Variants in VPS37A observed in about 807,000 individuals in gnomAD.
VPS37A encodes the protein VPS37A subunit of ESCRT-I.
VPS37A carries 30 observed loss-of-function variants against 49.8 expected under a neutral mutation model. The ratio of observed to expected loss-of-function variants is 0.60; its 90% CI spans 0.45 to 0.82. The LOEUF (loss-of-function observed/expected upper bound fraction) is 0.82. Ranked by LOEUF, VPS37A falls within the 40% of genes least tolerant of loss-of-function variation. VPS37A has a pLI of 0.00. For missense variants in VPS37A, 593 were observed against 464.4 expected (o/e 1.28, Z -2.55); for synonymous variants, 195 against 160.6 (o/e 1.21, Z -1.62).
intron 4 of VPS37A, among the ~76,000 whole-genome samples, chr8:17,274,288 A>G (rs1586008881): frequency 1.3e-5 from 2 of 152,370 alleles, no homozygotes; most frequent in African/African-American, 4.8e-5. Flanking sequence ...GAAATTTTCT[A>G]GAAAAGCAGT....
At chr8:17,300,734 C>G (rs890015929), downstream of VPS37A, among the ~76,000 whole-genome samples, 1 of 152,154 alleles carries the variant, frequency 6.6e-6, no homozygotes, top group African/African-American at 2.4e-5. Flanking sequence ...CCTCCCCTGC[C>G]GAAAGAAAAC....
chr8:17,271,717 G>T (rs1814011170), intron 4 of VPS37A, among the ~76,000 whole-genome samples: 1 of 152,200 alleles, frequency 6.6e-6, no homozygotes, highest in South Asian at 2.1e-4. Context: ...CAGTGAGGCT[G>T]CTGAGAGACA....
chr8:17,322,019 GA>G, the VPS37A span, among the ~76,000 whole-genome samples: 64,571 of 151,952 alleles, frequency 0.42, 15,804 homozygotes, highest in East Asian at 0.78. Flanking sequence ...TGAGGGTGCA[GA>G]AAAAGTCTCC....
In VPS37A at chr8:17,297,612, A is replaced by C. The variant is rs1816785280; in HGVS notation, c.*2626A>C. The stretch of plus-strand genomic sequence containing the variant: ...ATTACTTGCATTCTATATATTACTA[A>C]TTGGGAAGTAATATGCCTCAAATCA... On this transcript the variant is annotated 3_prime_UTR_variant, in exon 12 of 12. Coordinates refer to ENST00000324849, the MANE Select transcript of VPS37A (RefSeq NM_152415.3). 1 of 152,136 alleles carries C rather than the reference A, an allele frequency of 6.6e-6. No homozygotes were observed. The highest frequency in any genetic ancestry group is 2.4e-5 in the African/African-American group (1 of 41,562). The allele number at this position is 152,136 out of a possible 1,614,324, so 9.4% of individuals were successfully genotyped here. A position where few individuals can be genotyped will look rare whatever the true frequency, so the allele number is the denominator to read the frequency against.
downstream of VPS37A, chr8:17,299,707 T>G: frequency 2.0e-6 from 2 of 980,918 alleles, no homozygotes; most frequent in Non-Finnish European, 1.5e-6. Flanking sequence ...ATCTAAGAAA[T>G]CAAGAACTGG....
the VPS37A span, among the ~76,000 whole-genome samples, chr8:17,313,910 G>C: frequency 1.8e-4 from 28 of 152,244 alleles, no homozygotes; most frequent in South Asian, 4.8e-3. Flanking sequence ...AACTCCTCTT[G>C]CCAATAACCC....
intron 1 of VPS37A, among the ~76,000 whole-genome samples, chr8:17,256,893 C>G (rs1372952291): frequency 6.6e-6 from 1 of 152,098 alleles, no homozygotes; most frequent in African/African-American, 2.4e-5. Context: ...CTCAGATGAT[C>G]GGCCTGCCTT....
Position 17,286,342 on chromosome 8 carries a change from T to A in VPS37A, c.1114-5T>A, listed in dbSNP as rs755488554. 6.2e-7 allele frequency: 1 copy of A among 1,611,978 alleles called. No homozygotes were observed. Among genetic ancestry groups the A allele is most frequent in the East Asian group, 2.2e-5 (1 of 44,780 alleles). ...GACTGGTATTTTCAAAAATTTATTTTCTAGATTTGCCACTGTAGAAGAGCC... is the reference window on the plus strand; with the variant it reads ...GACTGGTATTTTCAAAAATTTATTTACTAGATTTGCCACTGTAGAAGAGCC... On this transcript the variant is annotated splice_region_variant and splice_polypyrimidine_tract_variant and intron_variant, in intron 10 of 11. Transcript: ENST00000324849.
downstream of VPS37A, among the ~76,000 whole-genome samples, chr8:17,303,860 T>C (rs1482592064): frequency 6.6e-6 from 1 of 152,184 alleles, no homozygotes; most frequent in African/African-American, 2.4e-5. Context: ...TCCACCCGCC[T>C]CGGCTAATAC....
rs759388976 is a variant in VPS37A at position 17,265,889 on chromosome 8, T to A, written c.126-18T>A. On this transcript the variant is annotated intron_variant, in intron 1 of 11. Coordinates refer to ENST00000324849, the MANE Select transcript of VPS37A (RefSeq NM_152415.3). Reference sequence around the variant, plus strand: ...GTTTCATGACTTTGGGTAAATTTTTTAAAATTTTCTCCTGCAGTATAGCCG... The same window carrying A: ...GTTTCATGACTTTGGGTAAATTTTTAAAAATTTTCTCCTGCAGTATAGCCG... The A allele has an allele frequency of 9.3e-6, 15 of 1,613,014 alleles. No individual in the cohort carries two copies. Among genetic ancestry groups the A allele is most frequent in the South Asian group, 3.3e-5 (3 of 90,982 alleles).
At chr8:17,285,550 G>C (rs1815510086) in intron 10 of VPS37A, among the ~76,000 whole-genome samples, 1 of 152,090 alleles carries the variant, frequency 6.6e-6, no homozygotes, top group South Asian at 2.1e-4. Context: ...TATTTTGTTA[G>C]TAAACTTTAT....
At chr8:17,291,181 T>G (rs1189364418) in intron 11 of VPS37A, among the ~76,000 whole-genome samples, 1 of 152,052 alleles carries the variant, frequency 6.6e-6, no homozygotes, top group Admixed American at 6.6e-5. Context: ...CCTGGCTAAT[T>G]TTTGTATTTT....
rs186301813 is a variant in VPS37A, at chr8:17,268,971, A to G, written c.416+15A>G. The G allele has an allele frequency of 1.2e-4, 191 of 1,535,338 alleles. No individual in the cohort carries two copies. The highest frequency in any genetic ancestry group is 1.7e-4 in the Non-Finnish European group (189 of 1,131,200). ...GCATTTCCTTAGTAAGTATATTTCT[A>G]GTAAATAAAAAAGTCTGCCTGTATT... On this transcript the variant is annotated intron_variant, in intron 4 of 11. Transcript: ENST00000324849.
At chr8:17,313,178 T>C in the VPS37A span, 330,582 of 657,032 alleles carry the variant, frequency 0.5, 86,310 homozygotes, top group East Asian at 0.77. Flanking sequence ...AAGCTGGCTA[T>C]CCAGTCAGTG....
At chr8:17,276,492 C>A (rs1303799069) in intron 6 of VPS37A, 25 bp downstream of exon 6, 6 of 1,590,032 alleles carry the variant, frequency 3.8e-6, no homozygotes, top group South Asian at 1.1e-5. Context: ...TAAAGTTGGT[C>A]ACATTGTCTA....
At chr8:17,311,514 G>A in the VPS37A span, 1 of 1,613,942 alleles carries the variant, frequency 6.2e-7, no homozygotes, top group African/African-American at 1.3e-5. Context: ...CACTCACCAT[G>A]AAGCCCTTCA....
chr8:17,320,404 T>C, the VPS37A span, among the ~76,000 whole-genome samples: 24 of 152,160 alleles, frequency 1.6e-4, no homozygotes, highest in East Asian at 3.5e-3. Context: ...GTAAAGGGTA[T>C]GTTTTTTTTT....
At chr8:17,265,749 G>C (rs1813389756) in intron 1 of VPS37A, 158 bp from the exon 2 acceptor site, 1 of 1,525,758 alleles carries the variant, frequency 6.6e-7, no homozygotes, top group Admixed American at 2.0e-5. Context: ...TTCTAACTAT[G>C]ATCATTTTCC....
chr8:17,313,240 G>A, the VPS37A span: 1 of 1,365,026 alleles, frequency 7.3e-7, no homozygotes, highest in South Asian at 1.2e-5. Context: ...CCATTTTGAA[G>A]TCAGTGGTTT....
Sources: allele counts gnomAD v4.1 joint callset (sites outside exome capture counted in the v4.1 genomes callset), GRCh38; gene constraint gnomAD v4.1.1; transcripts MANE v1.5; gene names NCBI Gene and HGNC (gene_info 2026-07-23, HGNC 2026-07-21).